Variants in RCC2 observed in about 807,000 individuals in gnomAD.
RCC2 encodes regulator of chromosome condensation 2.
Under a neutral mutation model 64.1 loss-of-function variants are expected in RCC2, and 19 were observed. The ratio of observed to expected loss-of-function variants is 0.30; its 90% CI spans 0.21 to 0.44. The LOEUF (loss-of-function observed/expected upper bound fraction) is 0.44, where lower values mean the gene tolerates loss of function less well. Among genes scored for constraint, RCC2 ranks in the 20% least tolerant of loss-of-function variants. The pLI, the probability that RCC2 is intolerant of heterozygous loss-of-function variation, is 1.00. For missense variants in RCC2, 508 were observed against 710.4 expected (o/e 0.72, Z 3.24); for synonymous variants, 325 against 279.6 (o/e 1.16, Z -1.62).
intron 5 of RCC2, 127 bp downstream of exon 5, chr1:17,422,578 T>G: frequency 7.8e-7 from 1 of 1,288,044 alleles, no homozygotes; most frequent in Non-Finnish European, 1.1e-6. Context: ...GCCAAGGTTC[T>G]CAGGGCCTCT....
rs184740592 is a variant in RCC2 at position 17,420,683 on chromosome 1, T to G, written c.859+31A>C. 189 of 1,403,218 alleles carry G rather than the reference T, an allele frequency of 1.3e-4. 1 individual carries two copies. In the African/African-American group the frequency reaches 2.4e-3, roughly 18 times the overall value. The allele number at this position is 1,403,218 out of a possible 1,614,324, so 86.9% of individuals were successfully genotyped here. A position where few individuals can be genotyped will look rare whatever the true frequency, so the allele number is the denominator to read the frequency against. On this transcript the variant is annotated intron_variant, in intron 7 of 12. Transcript: ENST00000375436. ...TAGTTCTGAATATATACAGTTAGAT[T>G]ACAGAGCTTTTAAAAAATGTACTTC...
At chr1:17,432,365 G>A (rs535965046) in intron 2 of RCC2, among the ~76,000 whole-genome samples, 1 of 152,308 alleles carries the variant, frequency 6.6e-6, no homozygotes, top group African/African-American at 2.4e-5. Flanking sequence ...TGGGTCCTCT[G>A]CCCAAGCCTA....
rs199587369 is a variant in RCC2, at chr1:17,407,193, G to T, written c.*1897C>A. ...GCTGCCACGTTTACATGAGGCCACC[G>T]AAGATCTAAGTCCAGCTAAGCCCAG... On this transcript the variant is annotated 3_prime_UTR_variant, in exon 13 of 13. Transcript: ENST00000375436. 6.6e-6 allele frequency: 1 copy of T among 152,108 alleles called. No individual in the cohort carries two copies. Among genetic ancestry groups the T allele is most frequent in the African/African-American group, 2.4e-5 (1 of 41,430 alleles). 9.4% of individuals were successfully genotyped at this position (152,108 alleles called of 1,614,324 possible).
At chr1:17,431,099 G>A (rs1160557843) in intron 2 of RCC2, among the ~76,000 whole-genome samples, 1 of 151,096 alleles carries the variant, frequency 6.6e-6, no homozygotes, top group Non-Finnish European at 1.5e-5. Context: ...TTGGGACGCT[G>A]AGGCAAGCAG....
chr1:17,439,427 C>G (rs1198616291), intron 1 of RCC2, 118 bp downstream of exon 1: 4 of 148,090 alleles, frequency 2.7e-5, no homozygotes, highest in Admixed American at 6.7e-5. Context: ...TTTATTCCTT[C>G]AATCACCCAG....
rs1412316147 is a variant in RCC2, at chr1:17,438,257, G to T, written c.258C>A (p.Thr86=). 1 of 1,334,030 alleles carries T rather than the reference G, an allele frequency of 7.5e-7. No homozygotes were observed. Among genetic ancestry groups the T allele is most frequent in the South Asian group, 1.6e-5 (1 of 63,648 alleles). The allele number at this position is 1,334,030 out of a possible 1,614,324, so 82.6% of individuals were successfully genotyped here. The change falls in exon 2 of 13, where the codon ACC becomes ACA. Residue 86 remains threonine (T), a synonymous_variant. Transcript: ENST00000375436. The stretch of plus-strand genomic sequence containing the variant: ...CGCGCTCCTTGGTGTGCTCGGGTTC[G>T]GTGATGACCACGGCCGCGCCGCCCG... ...GKAGGAAVVI[T]EPEHTKERVK...
chr1:17,437,858 G>A (rs2075755679), intron 2 of RCC2, among the ~76,000 whole-genome samples: 3 of 146,064 alleles, frequency 2.1e-5, no homozygotes, highest in Admixed American at 2.0e-4. Flanking sequence ...TTCCAGGCCG[G>A]GCGAACTTAC....
At chr1:17,424,425 A>G (rs2075590697) in intron 4 of RCC2, among the ~76,000 whole-genome samples, 1 of 152,244 alleles carries the variant, frequency 6.6e-6, no homozygotes, top group South Asian at 2.1e-4. Flanking sequence ...GGCTGTGTTC[A>G]GTGTTGGAAC....
rs542127106 is a variant in RCC2, at chr1:17,431,008, G to A, written c.286-1809C>T. Among the ~76,000 whole-genome samples, 7 of 151,532 alleles carry A rather than the reference G, an allele frequency of 4.6e-5. No individual in the cohort carries two copies. In the South Asian group the frequency reaches 8.3e-4, roughly 18 times the overall value. On this transcript the variant is annotated intron_variant, in intron 2 of 12. Transcript: ENST00000375436. Reference sequence around the variant, plus strand: ...GCCGATAAAATGCCAATAAAATAACGCCGATGAAAGTTCCCAACCATGCCA... The same window carrying A: ...GCCGATAAAATGCCAATAAAATAACACCGATGAAAGTTCCCAACCATGCCA...
At chr1:17,437,002 GT>G (rs1017890261) in intron 2 of RCC2, among the ~76,000 whole-genome samples, 10 of 152,164 alleles carry the variant, frequency 6.6e-5, no homozygotes, top group Admixed American at 2.0e-4. Flanking sequence ...TGCCTAACAT[GT>G]TAACCCTTTC....
chr1:17,414,993 C>G (rs544038409), intron 8 of RCC2, among the ~76,000 whole-genome samples: 1 of 152,336 alleles, frequency 6.6e-6, no homozygotes, highest in South Asian at 2.1e-4. Context: ...GAAATGAACT[C>G]AGAGACACTT....
rs762157907 is a variant in RCC2 at position 17,409,118 on chromosome 1, A to G, written c.1541T>C (p.Leu514Pro). 6.2e-7 allele frequency: 1 copy of G among 1,613,978 alleles called. No individual in the cohort carries two copies. Among genetic ancestry groups the G allele is most frequent in the South Asian group, 1.1e-5 (1 of 91,080 alleles). Residue 514 changes from leucine (L) to proline (P), a missense_variant, in exon 13 of 13, where the codon CTG becomes CCG. By Grantham distance (98) the Leu-to-Pro change is moderately conservative. Transcript: ENST00000375436. Reference protein sequence around the residue: ...SETEKEKIKKLPEYNPRTL With the variant: ...SETEKEKIKKPPEYNPRTL ...GAGGGTTCGGGGGTTGTATTCTGGC[A>G]GTTTCTTGATCTTCTCTTTCTCAGT...
intron 3 of RCC2, 121 bp from the exon 4 acceptor site, chr1:17,425,805 A>T: frequency 9.7e-7 from 1 of 1,034,080 alleles, no homozygotes; most frequent in South Asian, 1.6e-5. Flanking sequence ...CTCGGGTGCC[A>T]CCCTGCCTTG....
intron 2 of RCC2, among the ~76,000 whole-genome samples, chr1:17,433,021 TAC>T (rs543984379): frequency 1.0e-3 from 154 of 151,600 alleles, no homozygotes; most frequent in South Asian, 6.9e-3. Flanking sequence ...CACATATATA[TAC>T]ACACACACAC....
rs1017801050 is a variant in RCC2 at position 17,407,499 on chromosome 1, C to T, written c.*1591G>A. On this transcript the variant is annotated 3_prime_UTR_variant, in exon 13 of 13. Transcript: ENST00000375436. ...CTGATTGAACACAGAACAAGAGATG[C>T]GCGTGGCGTCAGACTAAGTCTTAGA... 3 of 152,452 alleles carry T rather than the reference C, an allele frequency of 2.0e-5. No individual in the cohort carries two copies. The highest frequency in any genetic ancestry group is 2.9e-5 in the Non-Finnish European group (2 of 68,058). 9.4% of individuals were successfully genotyped at this position (152,452 alleles called of 1,614,324 possible). A position where few individuals can be genotyped will look rare whatever the true frequency, so the allele number is the denominator to read the frequency against.
chr1:17,408,302 A>T lies in RCC2; in HGVS notation c.*788T>A, dbSNP rs2075386329. ...TGACAAGGCTCAGCCCTGGCTCCAC[A>T]GGGAGCCACCAAGCTGACTCAACTG... is the stretch of plus-strand genomic sequence containing the variant. On this transcript the variant is annotated 3_prime_UTR_variant, in exon 13 of 13. Transcript: ENST00000375436. The T allele has an allele frequency of 6.6e-6, 1 of 152,274 alleles. No individual in the cohort carries two copies. The highest frequency in any genetic ancestry group is 1.5e-5 in the Non-Finnish European group (1 of 68,082). The allele number at this position is 152,274 out of a possible 1,614,324, so 9.4% of individuals were successfully genotyped here. A position where few individuals can be genotyped will look rare whatever the true frequency, so the allele number is the denominator to read the frequency against.
chr1:17,433,224 CA>C (rs1213213142), intron 2 of RCC2, among the ~76,000 whole-genome samples: 1 of 152,186 alleles, frequency 6.6e-6, no homozygotes, highest in Admixed American at 6.5e-5. Context: ...TTATTATTTA[CA>C]TAATTGTTTG....
chr1:17,428,716 T>C (rs1033293345), intron 3 of RCC2, among the ~76,000 whole-genome samples: 1 of 152,242 alleles, frequency 6.6e-6, no homozygotes, highest in African/African-American at 2.4e-5. Context: ...TGGACTCTTC[T>C]GCAATGCCTG....
At position 17,415,452 on chromosome 1, in the gene RCC2, C is replaced by T. The variant is rs199592710; in HGVS notation, c.1026+1028G>A. ...TAACAGCCGGGCGCGGTGGCTCACA[C>T]CTATAATCCCAGCACTTTGGGAGGC... is the stretch of plus-strand genomic sequence containing the variant. On this transcript the variant is annotated intron_variant, in intron 8 of 12. Coordinates refer to ENST00000375436, the MANE Select transcript of RCC2 (RefSeq NM_018715.4). Among the ~76,000 whole-genome samples, 7 of 152,302 alleles carry T rather than the reference C, an allele frequency of 4.6e-5. No individual in the cohort carries two copies. The East Asian group carries it at 1.4e-3, about 29-fold the overall frequency.
Sources: gnomAD v4.1 joint callset for allele counts (sites outside exome capture counted in the v4.1 genomes callset) on GRCh38, gnomAD v4.1.1 for gene constraint, MANE v1.5 for transcripts, NCBI Gene and HGNC (gene_info 2026-07-23, HGNC 2026-07-21) for gene names.